The following ROBO2 variants were observed in gnomAD, a reference collection of about 807,000 sequenced individuals.
ROBO2 encodes the protein roundabout homolog 2.
Under a neutral mutation model 160.8 loss-of-function variants are expected in ROBO2, and 53 were observed. The observed-to-expected ratio is 0.33, with a 90% CI of 0.26 to 0.41. The LOEUF (loss-of-function observed/expected upper bound fraction) is 0.41, where lower values mean the gene tolerates loss of function less well. Ranked by LOEUF, ROBO2 falls within the 10% of genes least tolerant of loss-of-function variation. The pLI is 1.00. For missense variants in ROBO2, 1,577 were observed against 1,722.4 expected (o/e 0.92, Z 1.49); for synonymous variants, 664 against 611.7 (o/e 1.09, Z -1.26).
At chr3:77,262,848 C>A (rs2058864705) in intron 2 of ROBO2, among the ~76,000 whole-genome samples, 1 of 151,996 alleles carries the variant, frequency 6.6e-6, no homozygotes, top group African/African-American at 2.4e-5. Flanking sequence ...GGTTGGATGG[C>A]GATGATGGTG....
chr3:77,248,065 T>G (rs2089934931), intron 2 of ROBO2, among the ~76,000 whole-genome samples: 1 of 152,026 alleles, frequency 6.6e-6, no homozygotes, highest in African/African-American at 2.4e-5. Flanking sequence ...GAGAAGCAGC[T>G]GAATGTCAGA....
chr3:76,549,407 T>C (rs542348182), intron 2 of ROBO2, among the ~76,000 whole-genome samples: 3 of 152,276 alleles, frequency 2.0e-5, no homozygotes, highest in African/African-American at 7.2e-5. Flanking sequence ...TAGGAAAGTG[T>C]TGCCTCTACT....
intron 2 of ROBO2, among the ~76,000 whole-genome samples, chr3:76,918,964 T>A (rs2076497452): frequency 9.2e-6 from 1 of 109,118 alleles, no homozygotes. Context: ...CACATGTATG[T>A]CTTTTTTTTT....
At chr3:77,170,151 TATTC>T (rs905465878) in intron 2 of ROBO2, among the ~76,000 whole-genome samples, 34 of 152,184 alleles carry the variant, frequency 2.2e-4, no homozygotes, top group African/African-American at 8.2e-4. Context: ...GTCTTTTCTT[TATTC>T]ATTCTCATAT....
intron 2 of ROBO2, among the ~76,000 whole-genome samples, chr3:76,621,982 C>CTTTTTTTTTTTTTTTTTTTTTTTTTTT (rs2089124245): frequency 6.6e-6 from 1 of 152,022 alleles, no homozygotes; most frequent in African/African-American, 2.4e-5. Context: ...CCCATTCCTT[C>CTTTTTTTTTTTTTTTTTTTTTTTTTTT]TTTATTATAC....
At chr3:76,009,820 C>A (rs189056363) in intron 2 of ROBO2, among the ~76,000 whole-genome samples, 18 of 152,252 alleles carry the variant, frequency 1.2e-4, no homozygotes, top group East Asian at 7.7e-4. Flanking sequence ...AAATTTATTT[C>A]CAACATTTTA....
At chr3:76,261,202 G>GTGTGTGTGTGTA (rs368720562) in intron 2 of ROBO2, among the ~76,000 whole-genome samples, 2 of 67,134 alleles carry the variant, frequency 3.0e-5, no homozygotes, top group African/African-American at 6.7e-5. Context: ...GTGTGTGTGT[G>GTGTGTGTGTGTA]TATATATATA....
chr3:76,377,665 T>G (rs1193308016), intron 2 of ROBO2, among the ~76,000 whole-genome samples: 1 of 152,196 alleles, frequency 6.6e-6, no homozygotes, highest in Non-Finnish European at 1.5e-5. Context: ...AAGACCAAAG[T>G]TCATAGATGT....
chr3:75,974,339 G>A lies in ROBO2; in HGVS notation c.109+36737G>A, dbSNP rs555355948. Among the ~76,000 whole-genome samples, 3 of 151,640 alleles carry A rather than the reference G, an allele frequency of 2.0e-5. No individual in the cohort carries two copies. The East Asian group carries it at 5.9e-4, about 30-fold the overall frequency. On this transcript the variant is annotated intron_variant, in intron 2 of 26. Coordinates refer to the ROBO2 transcript ENST00000487694. ...ATAAGTATTAATTTTTTGTTCAGAG[G>A]CACTCAGTTACAAAAGAAATTATGT...
rs539231555 is a variant in ROBO2, at chr3:77,493,825, G to C, written c.806+443G>C. On this transcript the variant is annotated intron_variant, in intron 5 of 25. Transcript: ENST00000461745. ...TGCATGTGGCTGACTGTAAGTCCTG[G>C]AGTAAAGGAAAGGTCAGCATAACAC... 1.7e-4 allele frequency among the ~76,000 whole-genome samples: 26 copies of C among 152,248 alleles called. No homozygotes were observed. In the South Asian group the frequency reaches 2.7e-3, roughly 16 times the overall value.
chr3:76,742,493 G>C (rs2093818752), intron 2 of ROBO2, among the ~76,000 whole-genome samples: 1 of 152,118 alleles, frequency 6.6e-6, no homozygotes, highest in African/African-American at 2.4e-5. Flanking sequence ...AATATACTTA[G>C]AGCATTTTTC....
chr3:76,605,075 C>T (rs1047889904), intron 2 of ROBO2, among the ~76,000 whole-genome samples: 9 of 152,088 alleles, frequency 5.9e-5, no homozygotes, highest in Non-Finnish European at 1.2e-4. Context: ...CTACAAATTA[C>T]ATTGCAAGCT....
chr3:76,930,305 C>A (rs1342475812), intron 2 of ROBO2, among the ~76,000 whole-genome samples: 1 of 152,156 alleles, frequency 6.6e-6, no homozygotes, highest in African/African-American at 2.4e-5. Context: ...CCATGCCCGG[C>A]CTACTTTGTC....
intron 2 of ROBO2, among the ~76,000 whole-genome samples, chr3:76,441,815 C>T (rs1350773971): frequency 1.3e-5 from 2 of 152,190 alleles, no homozygotes; most frequent in Non-Finnish European, 2.9e-5. Flanking sequence ...GCTGAATTGT[C>T]TAATATCCAG....
chr3:76,364,190 G>A (rs575968622), intron 2 of ROBO2, among the ~76,000 whole-genome samples: 4 of 151,970 alleles, frequency 2.6e-5, no homozygotes, highest in Non-Finnish European at 5.9e-5. Context: ...ACACCTCTCA[G>A]AGACTCCCTC....
At chr3:77,131,653 A>G (rs1298347209) in intron 2 of ROBO2, among the ~76,000 whole-genome samples, 1 of 152,136 alleles carries the variant, frequency 6.6e-6, no homozygotes, top group Non-Finnish European at 1.5e-5. Context: ...TCTAAACTCA[A>G]TGAGGGAAGG....
intron 2 of ROBO2, among the ~76,000 whole-genome samples, chr3:76,053,369 T>C (rs927813971): frequency 1.3e-5 from 2 of 152,076 alleles, no homozygotes; most frequent in African/African-American, 4.8e-5. Flanking sequence ...GACTATTTTC[T>C]AGTTGTAAAA....
chr3:76,268,672 AGGGTT>A (rs1707243500), intron 2 of ROBO2, among the ~76,000 whole-genome samples: 1 of 152,180 alleles, frequency 6.6e-6, no homozygotes, highest in Non-Finnish European at 1.5e-5. Flanking sequence ...CGTTTGAATT[AGGGTT>A]CAAGATAGGA....
intron 2 of ROBO2, among the ~76,000 whole-genome samples, chr3:77,205,116 A>T (rs1425985155): frequency 2.0e-5 from 3 of 152,118 alleles, no homozygotes; most frequent in African/African-American, 7.2e-5. Flanking sequence ...CAGACAGCTT[A>T]AGTGTTAACC....
Sources: allele counts gnomAD v4.1 joint callset (sites outside exome capture counted in the v4.1 genomes callset), GRCh38; gene constraint gnomAD v4.1.1; transcripts MANE v1.5; gene names NCBI Gene and HGNC (gene_info 2026-07-23, HGNC 2026-07-21).